BCL7C: variants seen among roughly 807,000 people sequenced by gnomAD.
BCL7C encodes the protein BAF chromatin remodeling complex subunit BCL7C, also known as B-cell CLL/lymphoma 7 protein family member C.
BCL7C carries 8 observed loss-of-function variants against 26.2 expected under a neutral mutation model. The ratio of observed to expected loss-of-function variants is 0.30; its 90% CI spans 0.18 to 0.55. The LOEUF (loss-of-function observed/expected upper bound fraction) is 0.55. Ranked by LOEUF, BCL7C falls within the 20% of genes least tolerant of loss-of-function variation. The probability of loss-of-function intolerance (pLI) is 0.93; values close to 1 mark genes in which losing one functional copy is unlikely to be tolerated. For missense variants in BCL7C, 262 were observed against 298.5 expected, an observed-to-expected ratio of 0.88 and a Z score of 0.90; for synonymous variants, 90 against 116.5, an observed-to-expected ratio of 0.77 and a Z score of 1.47.
At chr16:30,842,758 CAG>C (rs1193199492) in intron 5 of BCL7C, among the ~76,000 whole-genome samples, 1 of 152,100 alleles carries the variant, frequency 6.6e-6, no homozygotes, top group Non-Finnish European at 1.5e-5. Context: ...TTAGTACAGA[CAG>C]GGTATCACCG....
Position 30,893,403 on chromosome 16 carries a change from A to T in BCL7C, c.93-113T>A. 1.3e-6 allele frequency: 1 copy of T among 767,220 alleles called. No homozygotes were observed. The highest frequency in any genetic ancestry group is 2.1e-6 in the Non-Finnish European group (1 of 475,242). 47.5% of individuals were successfully genotyped at this position (767,220 alleles called of 1,614,324 possible). A position where few individuals can be genotyped will look rare whatever the true frequency, so the allele number is the denominator to read the frequency against. On this transcript the variant is annotated intron_variant, in intron 1 of 5. Transcript: ENST00000215115. The surrounding 1 kb of genome is among the most constrained non-coding windows in gnomAD (Gnocchi z 5.2). Reference sequence around the variant, plus strand: ...GGTTGAGGAGGCACAGGAGGATAGCAACAGTTTTGCTAATGGGGCATAGTT... The same window carrying T: ...GGTTGAGGAGGCACAGGAGGATAGCTACAGTTTTGCTAATGGGGCATAGTT...
rs187202584 is a variant in BCL7C, at chr16:30,864,577, A to C, written c.528+24283T>G. On this transcript the variant is annotated intron_variant, in intron 5 of 5. Coordinates refer to the BCL7C transcript ENST00000380317. ...GCAGCCCTGAGAAACATCACCCATT[A>C]TCTCTCCATACCACCCCCAAAAATT... is the stretch of plus-strand genomic sequence containing the variant. 3.1e-3 allele frequency among the ~76,000 whole-genome samples: 464 copies of C among 152,074 alleles called. 2 individuals carry two copies. Among genetic ancestry groups the C allele is most frequent in the African/African-American group, 0.011 (437 of 41,456 alleles).
At chr16:30,866,292 G>A (rs978839629) in intron 5 of BCL7C, among the ~76,000 whole-genome samples, 1 of 152,112 alleles carries the variant, frequency 6.6e-6, no homozygotes, top group Admixed American at 6.6e-5. Flanking sequence ...TTAGCAAAGG[G>A]AAGGCTGGGT....
At chr16:30,870,207 G>A (rs1358125884) in intron 5 of BCL7C, among the ~76,000 whole-genome samples, 1 of 152,128 alleles carries the variant, frequency 6.6e-6, no homozygotes, top group Non-Finnish European at 1.5e-5. Context: ...TGCTGCTCTA[G>A]AAGCCTAGGC....
In BCL7C at chr16:30,892,575, C is replaced by T; in HGVS notation, c.442+11G>A. 3 of 1,540,966 alleles carry T rather than the reference C, an allele frequency of 1.9e-6. No individual in the cohort carries two copies. The highest frequency in any genetic ancestry group is 2.6e-6 in the Non-Finnish European group (3 of 1,150,646). On this transcript the variant is annotated intron_variant, in intron 4 of 5. Coordinates refer to ENST00000215115, the MANE Select transcript of BCL7C (RefSeq NM_004765.4). ...TAGAGGAGAGAGCTCCTGGGAGGTA[C>T]CTGGTCCTACCTCTCTCTTGGCCCA... is the stretch of plus-strand genomic sequence containing the variant.
At chr16:30,868,657 C>T (rs1035968728) in intron 5 of BCL7C, among the ~76,000 whole-genome samples, 3 of 151,698 alleles carry the variant, frequency 2.0e-5, no homozygotes, top group Non-Finnish European at 2.9e-5. Context: ...TGGTGGCACG[C>T]GCCTGTGATC....
At position 30,881,425 on chromosome 16, in the gene BCL7C, C is replaced by CACACACACACACAA. The variant is rs1491523089; in HGVS notation, c.528+7434_528+7435insTTGTGTGTGTGTGT. Among the ~76,000 whole-genome samples the CACACACACACACAA allele has an allele frequency of 1.7e-4, 25 of 143,040 alleles. No individual in the cohort carries two copies. The South Asian group carries it at 4.1e-3, about 24-fold the overall frequency. 93.8% of individuals were successfully genotyped at this position (143,040 alleles called of 152,430 possible). ...ACACACACACACACACACACACACA[C>CACACACACACACAA]AACAAAAAATTAGGAACAAAACCTA... On this transcript the variant is annotated intron_variant, in intron 5 of 5. Coordinates refer to the BCL7C transcript ENST00000380317.
At position 30,893,974 on chromosome 16, in the gene BCL7C, C is replaced by G; in HGVS notation, c.-30G>C. ...GCGGGGCTGGGGCCGGGGCCGAGCC[C>G]GCGGCGGGGCCGCCTCCCGTCCGGC... On this transcript the variant is annotated 5_prime_UTR_variant, in exon 1 of 6. Transcript: ENST00000215115. The surrounding 1 kb of genome is among the most constrained non-coding windows in gnomAD (Gnocchi z 5.2). 1 of 1,221,932 alleles carries G rather than the reference C, an allele frequency of 8.2e-7. No homozygotes were observed. The highest frequency in any genetic ancestry group is 3.4e-5 in the East Asian group (1 of 29,284). 75.7% of individuals were successfully genotyped at this position (1,221,932 alleles called of 1,614,324 possible).
rs113905512 is a variant in BCL7C, at chr16:30,845,542, A to C, written c.529-10394T>G. ...AGCTTCACCTGATACCCCAGAGGGC[A>C]GATTTCTAGGAGGTCTCATTTGGTG... is the stretch of plus-strand genomic sequence containing the variant. On this transcript the variant is annotated intron_variant, in intron 5 of 5. Transcript: ENST00000380317. Among the ~76,000 whole-genome samples the C allele has an allele frequency of 3.4e-3, 518 of 152,250 alleles. 6 individuals carry two copies. Among genetic ancestry groups the C allele is most frequent in the Middle Eastern group, 0.014 (4 of 294 alleles).
In BCL7C at chr16:30,892,728, A is replaced by T; in HGVS notation, c.300T>A (p.Ser100Arg). The change falls in exon 4 of 6, where the codon AGT (serine) becomes AGA (arginine). Residue 100 changes from serine to arginine, a missense_variant. Transcript: ENST00000215115. ...LDLNDENSNQSFHSEGSLQKG... is the reference protein window; with the variant it reads ...LDLNDENSNQRFHSEGSLQKG... ...TTTGCAGGGAACCTTCCGAATGGAA[A>T]CTCTGGTTGCTGTTCTCATCTGCGG... 6.2e-7 allele frequency: 1 copy of T among 1,613,986 alleles called. No homozygotes were observed.
intron 4 of BCL7C, among the ~76,000 whole-genome samples, chr16:30,892,172 C>T (rs1230409780): frequency 2.9e-5 from 4 of 139,526 alleles, no homozygotes; most frequent in African/African-American, 1.1e-4. Flanking sequence ...GAGGCTGAGG[C>T]GGGAGGATCG....
At chr16:30,843,186 T>G (rs2054613060) in intron 5 of BCL7C, among the ~76,000 whole-genome samples, 1 of 152,148 alleles carries the variant, frequency 6.6e-6, no homozygotes. Flanking sequence ...TGACAGCAGA[T>G]TTTGCAGACT....
intron 5 of BCL7C, among the ~76,000 whole-genome samples, chr16:30,859,548 G>A (rs1286773869): frequency 6.6e-6 from 1 of 152,176 alleles, no homozygotes; most frequent in Non-Finnish European, 1.5e-5. Context: ...CACAAAAGAA[G>A]TGAAAATAGC....
chr16:30,840,817 T>G (rs558429683), intron 5 of BCL7C: 1 of 152,254 alleles, frequency 6.6e-6, no homozygotes, highest in Non-Finnish European at 1.5e-5. Context: ...GAAAAGTCCC[T>G]TATAAAACTA....
At chr16:30,835,043 G>A in exon 6 of BCL7C, 1 of 1,549,280 alleles carries the variant, frequency 6.5e-7, no homozygotes, top group Non-Finnish European at 8.7e-7. Context: ...ATGGAACTGG[G>A]CCGGACATTT....
chr16:30,884,950 T>C (rs1187327957), downstream of BCL7C, among the ~76,000 whole-genome samples: 1 of 152,170 alleles, frequency 6.6e-6, no homozygotes, highest in Non-Finnish European at 1.5e-5. Context: ...CACAAGGGAC[T>C]TTCCCATTTA....
chr16:30,875,448 C>T (rs2054933885), intron 5 of BCL7C: 1 of 152,396 alleles, frequency 6.6e-6, no homozygotes, highest in Admixed American at 6.5e-5. Context: ...CTTCCCAAGG[C>T]TGCGCCGCCG....
intron 5 of BCL7C, among the ~76,000 whole-genome samples, chr16:30,864,485 C>T (rs997447910): frequency 2.0e-5 from 3 of 152,134 alleles, no homozygotes; most frequent in Non-Finnish European, 4.4e-5. Context: ...ACCCCTTACC[C>T]CAAAATCTTT....
At chr16:30,872,827 C>T (rs1294046810) in intron 5 of BCL7C, among the ~76,000 whole-genome samples, 1 of 152,194 alleles carries the variant, frequency 6.6e-6, no homozygotes, top group Non-Finnish European at 1.5e-5. Context: ...TTGTACCTGA[C>T]TTCTCTGAAC....
Sources: allele counts gnomAD v4.1 joint callset (sites outside exome capture counted in the v4.1 genomes callset), GRCh38; gene constraint gnomAD v4.1.1; non-coding constraint Gnocchi (gnomAD v3.1); transcripts MANE v1.5; gene names NCBI Gene and HGNC (gene_info 2026-07-23, HGNC 2026-07-21).